TSPEAR: variants seen among roughly 807,000 people sequenced by gnomAD.
The protein encoded by TSPEAR is thrombospondin-type laminin G domain and EAR repeat-containing protein.
In TSPEAR, 69 loss-of-function variants were observed where a neutral mutation model predicts 71.6. The observed-to-expected ratio is 0.96, with a 90% CI of 0.79 to 1.18. TSPEAR has a LOEUF of 1.18. Ranked by LOEUF, TSPEAR falls within the 50% of genes most tolerant of loss-of-function variation. The pLI is 0.00. For missense variants in TSPEAR, 971 were observed against 894.9 expected, an observed-to-expected ratio of 1.09 and a Z score of -1.09; for synonymous variants, 402 against 387.2, an observed-to-expected ratio of 1.04 and a Z score of -0.45.
At chr21:44,648,688 G>A (rs1047041136) in intron 1 of TSPEAR, among the ~76,000 whole-genome samples, 2 of 152,196 alleles carry the variant, frequency 1.3e-5, no homozygotes, top group Non-Finnish European at 2.9e-5. Flanking sequence ...GCGGGCAGAC[G>A]CACCCAGGGC....
chr21:44,667,084 G>C (rs1384304904), intron 1 of TSPEAR, among the ~76,000 whole-genome samples: 1 of 152,176 alleles, frequency 6.6e-6, no homozygotes, highest in East Asian at 1.9e-4. Context: ...TTGGCCCTTA[G>C]CTTCATGACT....
Position 44,567,905 on chromosome 21 carries a change from G to C in TSPEAR, c.183C>G (p.Leu61=), listed in dbSNP as rs1569190411. 6.2e-7 allele frequency: 1 copy of C among 1,608,356 alleles called. No individual in the cohort carries two copies. Among genetic ancestry groups the C allele is most frequent in the Non-Finnish European group, 8.5e-7 (1 of 1,176,458 alleles). ...TCATGGTGCGGGGGGCGGCTACTGA[G>C]AGCTGGAGTCCCCGTGCACCGTGAA... ...VQVHGARGLQ[L]SVAAPRTMSF... is the part of the protein sequence containing the mutation. The change falls in exon 2 of 12, where the codon CTC becomes CTG. Residue 61 remains leucine, a synonymous_variant. Transcript: ENST00000323084.
intron 1 of TSPEAR, among the ~76,000 whole-genome samples, chr21:44,613,531 C>T (rs1261197790): frequency 6.6e-6 from 1 of 152,194 alleles, no homozygotes; most frequent in Non-Finnish European, 1.5e-5. Context: ...GGGAAGCTGG[C>T]CTGGGTTCCG....
intron 1 of TSPEAR, among the ~76,000 whole-genome samples, chr21:44,607,971 T>C (rs1488192658): frequency 1.3e-5 from 2 of 152,204 alleles, no homozygotes; most frequent in Admixed American, 6.5e-5. Flanking sequence ...AATTGTACTA[T>C]AGAATTTGAT....
chr21:44,604,025 G>A (rs1981153310), intron 1 of TSPEAR, among the ~76,000 whole-genome samples: 1 of 152,226 alleles, frequency 6.6e-6, no homozygotes, highest in Non-Finnish European at 1.5e-5. Flanking sequence ...CCAGCCACCT[G>A]CAGTTAGTTA....
At chr21:44,627,002 G>A (rs12165290) in intron 1 of TSPEAR, 185,605 of 1,055,004 alleles carry the variant, frequency 0.18, 17,705 homozygotes, top group Non-Finnish European at 0.2. Context: ...CATGGCAGAC[G>A]CCGCCTCTCA....
intron 1 of TSPEAR, among the ~76,000 whole-genome samples, chr21:44,585,675 T>A (rs1325857114): frequency 2.0e-5 from 3 of 152,214 alleles, no homozygotes; most frequent in Admixed American, 6.5e-5. Flanking sequence ...ATTCCATATG[T>A]TTGGAGTGTC....
chr21:44,672,441 G>A (rs1986102401), intron 1 of TSPEAR, among the ~76,000 whole-genome samples: 2 of 152,172 alleles, frequency 1.3e-5, no homozygotes, highest in Admixed American at 6.5e-5. Context: ...GTGGTGGCAG[G>A]TGCCTGTAGT....
At chr21:44,555,356 A>C (rs1337886847) in intron 2 of TSPEAR, among the ~76,000 whole-genome samples, 3 of 152,126 alleles carry the variant, frequency 2.0e-5, no homozygotes, top group Admixed American at 2.0e-4. Flanking sequence ...GCCCACACAG[A>C]GCCTCCTCTC....
intron 1 of TSPEAR, among the ~76,000 whole-genome samples, chr21:44,644,846 C>T (rs1037266110): frequency 1.3e-5 from 2 of 152,034 alleles, no homozygotes; most frequent in Admixed American, 6.6e-5. Context: ...AAGTTCTAAC[C>T]ACTGAAAGTA....
chr21:44,695,568 C>T lies in TSPEAR; in HGVS notation c.82+15865G>A, dbSNP rs967812633. On this transcript the variant is annotated intron_variant, in intron 1 of 11. Transcript: ENST00000323084. The surrounding 1 kb of genome is among the most constrained non-coding windows in gnomAD (Gnocchi z 4.5). ...CCAATTTTTCCTCCAAGTTCCTGGT[C>T]CCTTGTGGTGGGCCAGTTTATTCAG... is the stretch of plus-strand genomic sequence containing the variant. Among the ~76,000 whole-genome samples the T allele has an allele frequency of 2.6e-5, 4 of 152,174 alleles. No homozygotes were observed. Among genetic ancestry groups the T allele is most frequent in the African/African-American group, 9.7e-5 (4 of 41,438 alleles).
intron 1 of TSPEAR, among the ~76,000 whole-genome samples, chr21:44,699,202 A>C (rs535227656): frequency 3.3e-5 from 5 of 151,918 alleles, no homozygotes; most frequent in Admixed American, 2.0e-4. Context: ...GTCTCAAAAA[A>C]TTAATTAATT....
At chr21:44,637,827 G>A (rs1983735395) in intron 1 of TSPEAR, 5 of 1,384,166 alleles carry the variant, frequency 3.6e-6, no homozygotes, top group Admixed American at 2.0e-5. Flanking sequence ...CCAACTTGCT[G>A]CACCTCCTCC....
intron 1 of TSPEAR, among the ~76,000 whole-genome samples, chr21:44,669,128 T>C (rs1405510930): frequency 1.3e-5 from 2 of 152,164 alleles, no homozygotes; most frequent in Admixed American, 1.3e-4. Flanking sequence ...TTAAACAGCA[T>C]CACATATATG....
At chr21:44,525,898 TTTCTGAAGGC>T in intron 7 of TSPEAR, 59 bp from the exon 8 acceptor site, 1 of 1,548,058 alleles carries the variant, frequency 6.5e-7, no homozygotes, top group Non-Finnish European at 8.9e-7. Flanking sequence ...AGCGGCCTGG[TTTCTGAAGGC>T]TTCTGAACAT....
Position 44,710,557 on chromosome 21 carries a change from T to C in TSPEAR, c.82+876A>G, listed in dbSNP as rs1555953400. On this transcript the variant is annotated intron_variant, in intron 1 of 11. Coordinates refer to ENST00000323084, the MANE Select transcript of TSPEAR (RefSeq NM_144991.3). The surrounding 1 kb of genome is among the most constrained non-coding windows in gnomAD (Gnocchi z 4.6). ...CGGTGCCGGGGGTGGACTTCATCTATTCCAGGGAACCAAGGATGCATGATT... is the reference window on the plus strand; with the variant it reads ...CGGTGCCGGGGGTGGACTTCATCTACTCCAGGGAACCAAGGATGCATGATT... Among the ~76,000 whole-genome samples the C allele has an allele frequency of 6.6e-6, 1 of 152,090 alleles. No homozygotes were observed. The highest frequency in any genetic ancestry group is 1.5e-5 in the Non-Finnish European group (1 of 68,002).
rs2052158797 is a variant in TSPEAR, at chr21:44,504,880, C to T, written c.1756G>A (p.Ala586Thr). The T allele has an allele frequency of 6.2e-7, 1 of 1,612,348 alleles. No homozygotes were observed. Residue 586 changes from alanine (A) to threonine (T), a missense_variant and splice_region_variant, in exon 11 of 12, where the codon GCT (alanine) becomes ACT (threonine). Ala to Thr is a moderately conservative substitution (Grantham distance 58). Transcript: ENST00000323084. Reference protein sequence around the residue: ...VKFQDILTCSALDWEFFSVGE... With the variant: ...VKFQDILTCSTLDWEFFSVGE... ...ACCGAGAAAAACTCCCAGTCCAGAG[C>T]ACTGCAGGAACAAGTGGGTGGATAT... is the stretch of plus-strand genomic sequence containing the variant.
intron 5 of TSPEAR, 55 bp downstream of exon 5, chr21:44,529,743 G>A: frequency 6.2e-7 from 1 of 1,601,536 alleles, no homozygotes; most frequent in Non-Finnish European, 8.5e-7. Context: ...CCTGGTGTGA[G>A]GCCAGGGCTC....
rs546938299 is a variant in TSPEAR at position 44,710,374 on chromosome 21, G to A, written c.82+1059C>T. Among the ~76,000 whole-genome samples the A allele has an allele frequency of 6.6e-6, 1 of 152,012 alleles. No homozygotes were observed. Among genetic ancestry groups the A allele is most frequent in the East Asian group, 1.9e-4 (1 of 5,152 alleles). On this transcript the variant is annotated intron_variant, in intron 1 of 11. Transcript: ENST00000323084. This position sits in a 1 kb window ranked among gnomAD's most constrained non-coding sequence, Gnocchi z 4.6. ...GCACAGCCCGAGGGCTGTCCTGGAG[G>A]CACAGCCATCCGTCCCTGGGTGGGC...
Sources: allele counts gnomAD v4.1 joint callset (sites outside exome capture counted in the v4.1 genomes callset), GRCh38; gene constraint gnomAD v4.1.1; non-coding constraint Gnocchi (gnomAD v3.1); transcripts MANE v1.5; gene names NCBI Gene and HGNC (gene_info 2026-07-23, HGNC 2026-07-21).